TARS2: variants seen among roughly 807,000 people sequenced by gnomAD.
TARS2 encodes the protein threonyl-tRNA synthetase 2, mitochondrial.
In TARS2, 61 loss-of-function variants were observed where a neutral mutation model predicts 94.4. The observed-to-expected ratio is 0.65, with a 90% CI of 0.53 to 0.80. TARS2 has a LOEUF of 0.80. Ranked by LOEUF, TARS2 falls within the 30% of genes least tolerant of loss-of-function variation. The pLI, the probability that TARS2 is intolerant of heterozygous loss-of-function variation, is 0.00. For missense variants in TARS2, 704 were observed against 902.5 expected (o/e 0.78, Z 2.82); for synonymous variants, 359 against 353.4 (o/e 1.02, Z -0.18).
chr1:150,490,267 C>T (rs975386983), intron 3 of TARS2, among the ~76,000 whole-genome samples: 2 of 151,674 alleles, frequency 1.3e-5, no homozygotes, highest in Non-Finnish European at 2.9e-5. Flanking sequence ...TACAGACACA[C>T]GCCACCATGC....
intron 6 of TARS2, 144 bp downstream of exon 6, chr1:150,491,806 T>C: frequency 1.1e-6 from 1 of 873,200 alleles, no homozygotes; most frequent in East Asian, 2.8e-5. Flanking sequence ...TTTTTTTTTC[T>C]TTTTTTGAGA....
In TARS2 at chr1:150,487,647, C is replaced by T; in HGVS notation, c.66+131C>T. 5 of 1,330,336 alleles carry T rather than the reference C, an allele frequency of 3.8e-6. No individual in the cohort carries two copies. In the East Asian group the frequency reaches 9.9e-5, roughly 26 times the overall value. 82.4% of individuals were successfully genotyped at this position (1,330,336 alleles called of 1,614,324 possible). A position where few individuals can be genotyped will look rare whatever the true frequency, so the allele number is the denominator to read the frequency against. On this transcript the variant is annotated intron_variant, in intron 1 of 17. Coordinates refer to ENST00000369064, the MANE Select transcript of TARS2 (RefSeq NM_025150.5). ...TCCTCCGAGTCCCCAGAAAAGGACT[C>T]GTATCTAAACTCGTTATCTAATTCT...
intron 10 of TARS2, among the ~76,000 whole-genome samples, chr1:150,498,092 C>CA (rs375222621): frequency 2.7e-3 from 193 of 70,664 alleles, no homozygotes; most frequent in Admixed American, 5.3e-3. Flanking sequence ...GACTCCATCT[C>CA]AAAAAAAAAA....
Position 150,504,709 on chromosome 1 carries a change from T to C in TARS2, c.1796T>C (p.Leu599Pro). ...TCTGTGGAAAGACTGTTGGGAGTGC[T>C]GGCAGAAAGCTGCGGGGGGAAATGG... is the stretch of plus-strand genomic sequence containing the variant. ...LGSVERLLGV[L>P]AESCGGKWPL... The change falls in exon 15 of 18, where the codon CTG becomes CCG. Residue 599 changes from leucine (L) to proline (P), a missense_variant. By Grantham distance (98) the Leu-to-Pro change is moderately conservative. Around this residue, in one of 3 missense-constraint regions of TARS2, gnomAD observed 466 missense variants for 609.5 expected, o/e 0.76. Coordinates refer to ENST00000369064, the MANE Select transcript of TARS2 (RefSeq NM_025150.5). The C allele has an allele frequency of 1.2e-6, 2 of 1,614,154 alleles. No homozygotes were observed. The highest frequency in any genetic ancestry group is 8.5e-7 in the Non-Finnish European group (1 of 1,180,014).
At chr1:150,506,784 T>G in intron 17 of TARS2, 132 bp from the exon 18 acceptor site, 5 of 1,214,214 alleles carry the variant, frequency 4.1e-6, no homozygotes, top group Middle Eastern at 2.2e-4. Context: ...ATACTTCCTT[T>G]CTGTGAACCA....
chr1:150,494,052 G>T (rs1020344278), intron 7 of TARS2, among the ~76,000 whole-genome samples: 1 of 152,004 alleles, frequency 6.6e-6, no homozygotes, highest in African/African-American at 2.4e-5. Context: ...TGTCCTACCA[G>T]TAAATTCACC....
At chr1:150,502,031 G>A (rs1043160287) in intron 13 of TARS2, among the ~76,000 whole-genome samples, 7 of 151,956 alleles carry the variant, frequency 4.6e-5, no homozygotes, top group African/African-American at 1.7e-4. Context: ...TCCTGCCCCA[G>A]CCTCCCGAGT....
At chr1:150,489,516 A>ATC (rs1669286611) in intron 3 of TARS2, among the ~76,000 whole-genome samples, 1 of 152,196 alleles carries the variant, frequency 6.6e-6, no homozygotes, top group East Asian at 1.9e-4. Flanking sequence ...CCAGAAAAAT[A>ATC]GAGTTCTCCT....
intron 6 of TARS2, 71 bp downstream of exon 6, chr1:150,491,733 G>T (rs1560245673): frequency 6.8e-6 from 10 of 1,469,476 alleles, no homozygotes; most frequent in Non-Finnish European, 8.6e-6. Flanking sequence ...ATGCGATAAG[G>T]GAAGAAAGAT....
chr1:150,505,846 A>C, intron 17 of TARS2, 141 bp downstream of exon 17: 1 of 701,574 alleles, frequency 1.4e-6, no homozygotes, highest in African/African-American at 1.8e-5. Flanking sequence ...AGGACACCTG[A>C]CTCATTTGGG....
chr1:150,487,897 C>G lies in TARS2; in HGVS notation c.106C>G (p.Leu36Val), dbSNP rs369740090. ...STPPRWLAER[L>V]GLFEELWAAQ... ...CCCTCCACGCTGGTTGGCAGAGCGG[C>G]TTGGCCTTTTTGAGGAGCTGTGGGC... is the stretch of plus-strand genomic sequence containing the variant. Residue 36 changes from leucine to valine, a missense_variant, in exon 2 of 18, where the codon CTT becomes GTT. Leu to Val is a conservative substitution (Grantham distance 32). Around this residue, in one of 3 missense-constraint regions of TARS2, gnomAD observed 208 missense variants for 228.5 expected, o/e 0.91. Transcript: ENST00000369064. The G allele has an allele frequency of 1.2e-5, 20 of 1,613,604 alleles. No individual in the cohort carries two copies. The highest frequency in any genetic ancestry group is 1.7e-5 in the Non-Finnish European group (20 of 1,180,026).
At chr1:150,500,843 G>T (rs78535620) in intron 13 of TARS2, among the ~76,000 whole-genome samples, 1 of 152,006 alleles carries the variant, frequency 6.6e-6, no homozygotes, top group Non-Finnish European at 1.5e-5. Flanking sequence ...ATAATAAAAT[G>T]AAAAATAAAA....
intron 4 of TARS2, 71 bp downstream of exon 4, chr1:150,490,796 A>G (rs1430406690): frequency 6.2e-7 from 1 of 1,601,616 alleles, no homozygotes; most frequent in Admixed American, 1.8e-5. Context: ...GGCCTTGGGC[A>G]TGCTCCATTT....
At chr1:150,504,547 T>G in intron 14 of TARS2, 85 bp from the exon 15 acceptor site, 1 of 1,577,320 alleles carries the variant, frequency 6.3e-7, no homozygotes, top group Non-Finnish European at 8.7e-7. Flanking sequence ...GAGCTGAATA[T>G]TTCTTAAAAA....
At position 150,504,978 on chromosome 1, in the gene TARS2, G is replaced by A; in HGVS notation, c.1893G>A (p.Glu631=). The A allele has an allele frequency of 6.2e-7, 1 of 1,614,094 alleles. No individual in the cohort carries two copies. Among genetic ancestry groups the A allele is most frequent in the Non-Finnish European group, 8.5e-7 (1 of 1,180,018 alleles). The change falls in exon 16 of 18, where the codon GAG becomes GAA. Residue 631 remains glutamate (E), a splice_region_variant and synonymous_variant. Transcript: ENST00000369064. ...VGSEQEEYAK[E]AQQSLRAAGL... Reference sequence around the variant, plus strand: ...GTGAGCAAGAGGAATACGCCAAAGAGGTAAGGAGTTGAGGTAAGGGAGGGG... The same window carrying A: ...GTGAGCAAGAGGAATACGCCAAAGAAGTAAGGAGTTGAGGTAAGGGAGGGG...
At chr1:150,495,698 A>G (rs1669632612) in intron 7 of TARS2, among the ~76,000 whole-genome samples, 2 of 148,208 alleles carry the variant, frequency 1.3e-5, no homozygotes, top group Admixed American at 6.7e-5. Flanking sequence ...CCGGCCTCTC[A>G]TTAGTACTTT....
At chr1:150,496,689 C>G (rs1300809651) in intron 8 of TARS2, 61 bp downstream of exon 8, 2 of 1,598,170 alleles carry the variant, frequency 1.3e-6, no homozygotes, top group Non-Finnish European at 1.7e-6. Context: ...ATGACAGAAC[C>G]TGATTATGAA....
rs1331672453 is a variant in TARS2 at position 150,488,260 on chromosome 1, C to G, written c.263+206C>G. 7.3e-6 allele frequency: 4 copies of G among 547,598 alleles called. No homozygotes were observed. The Admixed American group carries it at 1.3e-4, about 18-fold the overall frequency. 33.9% of individuals were successfully genotyped at this position (547,598 alleles called of 1,614,324 possible). A position where few individuals can be genotyped will look rare whatever the true frequency, so the allele number is the denominator to read the frequency against. ...ATGTTGCCCAGGCTAGTCTTGAACT[C>G]CTGGGCTCAAGCGATCCTTCCATCT... On this transcript the variant is annotated intron_variant, in intron 2 of 17. Transcript: ENST00000369064.
rs1670100161 is a variant in TARS2, at chr1:150,504,382, G to A, written c.1665G>A (p.Gly555=). Residue 555 remains glycine, a synonymous_variant, in exon 14 of 18, where the codon GGG becomes GGA. Coordinates refer to ENST00000369064, the MANE Select transcript of TARS2 (RefSeq NM_025150.5). ...CCCTGGGCCGGCCACATCAGTGTGG[G>A]ACAATTCAGCTTGACTTCCAACTGC... is the stretch of plus-strand genomic sequence containing the variant. ...HDALGRPHQC[G]TIQLDFQLPL... The A allele has an allele frequency of 6.2e-7, 1 of 1,614,098 alleles. No homozygotes were observed. Among genetic ancestry groups the A allele is most frequent in the Non-Finnish European group, 8.5e-7 (1 of 1,180,022 alleles).
Sources: allele counts gnomAD v4.1 joint callset (sites outside exome capture counted in the v4.1 genomes callset), GRCh38; gene constraint gnomAD v4.1.1; regional missense constraint gnomAD v4.1.1; transcripts MANE v1.5; gene names NCBI Gene and HGNC (gene_info 2026-07-23, HGNC 2026-07-21).